TEX10: variants seen among roughly 807,000 people sequenced by gnomAD.
TEX10 encodes the protein testis-expressed protein 10.
TEX10 carries 24 observed loss-of-function variants against 104.4 expected under a neutral mutation model. The ratio of observed to expected loss-of-function variants is 0.23; its 90% CI spans 0.17 to 0.32. The LOEUF is 0.32. Among genes scored for constraint, TEX10 ranks in the 10% least tolerant of loss-of-function variants. The probability of loss-of-function intolerance (pLI) is 1.00; values close to 1 mark genes in which losing one functional copy is unlikely to be tolerated. For missense variants in TEX10, 921 were observed against 1,083.9 expected (o/e 0.85, Z 2.11); for synonymous variants, 396 against 393.4 (o/e 1.01, Z -0.08).
intron 2 of TEX10, among the ~76,000 whole-genome samples, chr9:100,347,807 A>G (rs976413759): frequency 1.3e-5 from 2 of 152,208 alleles, no homozygotes; most frequent in African/African-American, 4.8e-5. Flanking sequence ...TTTTATTCAG[A>G]GTATACTACC....
rs1255059433 is a variant in TEX10, at chr9:100,330,121, C to G, written c.1299G>C (p.Leu433=). ...VLSNNIDHLL[L]NLTLSDIMVS... The stretch of plus-strand genomic sequence containing the variant: ...CCATGATATCAGACAGTGTTAAATT[C>G]AGTAAGAGATGATCTATGTTATTGG... The change falls in exon 6 of 15, where the codon CTG becomes CTC. Residue 433 remains leucine, a synonymous_variant. Coordinates refer to ENST00000374902, the MANE Select transcript of TEX10 (RefSeq NM_017746.4). 6 of 1,613,796 alleles carry G rather than the reference C, an allele frequency of 3.7e-6. No homozygotes were observed. Among genetic ancestry groups the G allele is most frequent in the Non-Finnish European group, 4.2e-6 (5 of 1,179,934 alleles).
At chr9:100,352,601 C>G in intron 1 of TEX10, 171 bp downstream of exon 1, 17 of 1,493,050 alleles carry the variant, frequency 1.1e-5, no homozygotes, top group Non-Finnish European at 1.4e-5. Context: ...CCCGCAGTGC[C>G]GGCCGCACAC....
At chr9:100,324,441 G>A (rs1015272736) in intron 9 of TEX10, among the ~76,000 whole-genome samples, 3 of 152,082 alleles carry the variant, frequency 2.0e-5, no homozygotes, top group Non-Finnish European at 2.9e-5. Context: ...TACTTTAGAT[G>A]GGAATAATAT....
intron 4 of TEX10, among the ~76,000 whole-genome samples, chr9:100,344,888 G>A (rs1004445186): frequency 1.3e-5 from 2 of 152,064 alleles, no homozygotes; most frequent in African/African-American, 2.4e-5. Context: ...CAAAGTCCAT[G>A]TTGAATATTA....
chr9:100,336,324 A>C (rs984125845), intron 5 of TEX10, among the ~76,000 whole-genome samples: 1 of 152,172 alleles, frequency 6.6e-6, no homozygotes, highest in Admixed American at 6.5e-5. Context: ...ACACAGCAGG[A>C]GGTGAGCGGC....
chr9:100,337,007 A>G (rs1835027601), intron 5 of TEX10, among the ~76,000 whole-genome samples: 1 of 152,072 alleles, frequency 6.6e-6, no homozygotes, highest in Non-Finnish European at 1.5e-5. Flanking sequence ...TTTCCCATTT[A>G]TATCTCAGCA....
At chr9:100,333,828 T>C (rs956724087) in intron 5 of TEX10, among the ~76,000 whole-genome samples, 2 of 152,138 alleles carry the variant, frequency 1.3e-5, no homozygotes, top group South Asian at 4.1e-4. Context: ...AATAGTCAAC[T>C]GAACTTTGAC....
intron 14 of TEX10, 120 bp downstream of exon 14, chr9:100,303,512 A>T: frequency 9.9e-7 from 1 of 1,011,876 alleles, no homozygotes; most frequent in Non-Finnish European, 1.5e-6. Context: ...TATTGGGATT[A>T]ATTCCTGGAC....
chr9:100,311,529 T>C (rs1404726819), intron 11 of TEX10, among the ~76,000 whole-genome samples: 2 of 152,192 alleles, frequency 1.3e-5, no homozygotes, highest in Non-Finnish European at 2.9e-5. Context: ...CTGAGTGATA[T>C]GAACAAAGGG....
intron 2 of TEX10, among the ~76,000 whole-genome samples, chr9:100,348,201 T>C (rs1228090177): frequency 6.6e-6 from 1 of 152,248 alleles, no homozygotes; most frequent in Non-Finnish European, 1.5e-5. Flanking sequence ...TTCATTTATA[T>C]GCACTTTCTA....
intron 1 of TEX10, 156 bp downstream of exon 1, chr9:100,352,616 G>A: frequency 1.4e-6 from 2 of 1,474,442 alleles, no homozygotes; most frequent in South Asian, 1.4e-5. Flanking sequence ...GCACACCCAG[G>A]CCCAGCTCGG....
In TEX10 at chr9:100,308,524, C is replaced by T. The variant is rs751172792; in HGVS notation, c.2441G>A (p.Gly814Glu). 7.8e-5 allele frequency: 125 copies of T among 1,592,754 alleles called. No individual in the cohort carries two copies. In the Admixed American group the frequency reaches 9.4e-4, roughly 12 times the overall value. ...LLYFLLTIEK[G>E]EAEHLRKRDK... ...CCTCTTTCTTAGATGTTCTGCTTCC[C>T]CTTTCTCTATAGTGAGCAGAAAATA... The change falls in exon 13 of 15, where the codon GGG (glycine) becomes GAG (glutamate). Residue 814 changes from glycine to glutamate, a missense_variant. Physicochemically the swap from Gly to Glu is moderately conservative, Grantham distance 98. Around this residue, in one of 3 missense-constraint regions of TEX10, gnomAD observed 753 missense variants for 868.4 expected, o/e 0.87. Coordinates refer to ENST00000374902, the MANE Select transcript of TEX10 (RefSeq NM_017746.4).
intron 11 of TEX10, among the ~76,000 whole-genome samples, chr9:100,311,989 A>G (rs903470588): frequency 1.3e-5 from 2 of 151,470 alleles, no homozygotes; most frequent in Admixed American, 6.6e-5. Context: ...TGGGGGGGGG[A>G]ATCAACAGAT....
chr9:100,327,693 G>A lies in TEX10; in HGVS notation c.1801+94C>T, dbSNP rs928741461. 5.7e-6 allele frequency: 6 copies of A among 1,061,770 alleles called. No individual in the cohort carries two copies. In the Admixed American group the frequency reaches 1.1e-4, roughly 20 times the overall value. 65.8% of individuals were successfully genotyped at this position (1,061,770 alleles called of 1,614,324 possible). On this transcript the variant is annotated intron_variant, in intron 8 of 14. Coordinates refer to ENST00000374902, the MANE Select transcript of TEX10 (RefSeq NM_017746.4). ...ATGGTATTACTAATTCAGACTAAGGGAAAGGCAAAATTACAGAGCTCCCCT... is the reference window on the plus strand; with the variant it reads ...ATGGTATTACTAATTCAGACTAAGGAAAAGGCAAAATTACAGAGCTCCCCT...
In TEX10 at chr9:100,326,345, T is replaced by C; in HGVS notation, c.1936A>G (p.Ser646Gly). 1 of 1,613,942 alleles carries C rather than the reference T, an allele frequency of 6.2e-7. No individual in the cohort carries two copies. The highest frequency in any genetic ancestry group is 8.5e-7 in the Non-Finnish European group (1 of 1,179,948). The change falls in exon 9 of 15, where the codon AGT (serine) becomes GGT (glycine). Residue 646 changes from serine (S) to glycine (G), a missense_variant. By Grantham distance (56) the Ser-to-Gly change is moderately conservative. This residue lies in a region of TEX10 where 753 missense variants were observed against 868.4 expected (regional missense o/e 0.87). Coordinates refer to ENST00000374902, the MANE Select transcript of TEX10 (RefSeq NM_017746.4). The stretch of plus-strand genomic sequence containing the variant: ...ATAAGCATGGCAGCCAAACTTGAAC[T>C]GAGTCTTCCCATAATACAGCAACGA... ...LSRCCIMGRL[S>G]SSLAAMLIGI...
chr9:100,332,738 G>A (rs1455351453), intron 5 of TEX10, among the ~76,000 whole-genome samples: 4 of 151,790 alleles, frequency 2.6e-5, no homozygotes, highest in African/African-American at 9.7e-5. Context: ...GGAGAATAGC[G>A]TGAACCCGGG....
At chr9:100,304,178 G>T in intron 13 of TEX10, 1 of 321,010 alleles carries the variant, frequency 3.1e-6, no homozygotes, top group Non-Finnish European at 6.0e-6. Context: ...ACTGCTCAAA[G>T]CAACCTACAG....
intron 13 of TEX10, chr9:100,306,112 A>T (rs576692032): frequency 1.3e-5 from 2 of 152,222 alleles, no homozygotes; most frequent in Non-Finnish European, 2.9e-5. Flanking sequence ...AAAAGAAAAC[A>T]AAAGTTGATG....
At chr9:100,323,275 CTG>C (rs1403652926) in intron 9 of TEX10, among the ~76,000 whole-genome samples, 1 of 152,178 alleles carries the variant, frequency 6.6e-6, no homozygotes, top group African/African-American at 2.4e-5. Context: ...CTGAACACTT[CTG>C]TGAGTAAAAG....
Sources: allele counts gnomAD v4.1 joint callset (sites outside exome capture counted in the v4.1 genomes callset), GRCh38; gene constraint gnomAD v4.1.1; regional missense constraint gnomAD v4.1.1; transcripts MANE v1.5; gene names NCBI Gene and HGNC (gene_info 2026-07-23, HGNC 2026-07-21).